Variants in IAH1 observed in about 807,000 individuals in gnomAD.
The protein encoded by IAH1 is isoamyl acetate hydrolyzing esterase 1 (putative), also known as isoamyl acetate-hydrolyzing esterase 1 homolog.
A neutral mutation model predicts 26.7 loss-of-function variants in IAH1; 24 were observed. That is an observed-to-expected ratio of 0.90 (90% CI 0.65 to 1.26). IAH1 has a LOEUF of 1.26. Among genes scored for constraint, IAH1 ranks in the 50% most tolerant of loss-of-function variants. The probability of loss-of-function intolerance (pLI) is 0.00; values close to 1 mark genes in which losing one functional copy is unlikely to be tolerated. For missense variants in IAH1, 300 were observed against 299.9 expected, an observed-to-expected ratio of 1.00 and a Z score of 0.00; for synonymous variants, 140 against 118.5, an observed-to-expected ratio of 1.18 and a Z score of -1.18.
At chr2:9,497,585 G>C (rs945648421), downstream of IAH1, among the ~76,000 whole-genome samples, 1 of 152,190 alleles carries the variant, frequency 6.6e-6, no homozygotes, top group Non-Finnish European at 1.5e-5. Context: ...AGGCTTAAAA[G>C]AACTCCACGG....
In IAH1 at chr2:9,488,176, A is replaced by G; in HGVS notation, c.594A>G (p.Leu198=). 6.2e-7 allele frequency: 1 copy of G among 1,611,326 alleles called. No individual in the cohort carries two copies. Among genetic ancestry groups the G allele is most frequent in the Non-Finnish European group, 8.5e-7 (1 of 1,179,126 alleles). ...QDFSSYLSDG[L]HLSPKGNEFL... Reference sequence around the variant, plus strand: ...TCTCATCTTATTTATCAGATGGACTACATTTGTCTCCAAAGGGGAATGAAT... The same window carrying G: ...TCTCATCTTATTTATCAGATGGACTGCATTTGTCTCCAAAGGGGAATGAAT... Residue 198 remains leucine, a synonymous_variant, in exon 6 of 6, where the codon CTA becomes CTG. Coordinates refer to ENST00000497473, the MANE Select transcript of IAH1 (RefSeq NM_001039613.3).
intron 2 of IAH1, among the ~76,000 whole-genome samples, chr2:9,476,849 C>A (rs1248673064): frequency 6.6e-6 from 1 of 152,172 alleles, no homozygotes; most frequent in Admixed American, 6.5e-5. Flanking sequence ...TTGCTCCAGG[C>A]CACCTGGATG....
chr2:9,502,190 C>A, the IAH1 span: 3 of 1,613,956 alleles, frequency 1.9e-6, no homozygotes, highest in Non-Finnish European at 2.5e-6. Flanking sequence ...GTAGGACACG[C>A]CTTTGCAAGT....
At chr2:9,476,938 AGCAGTGTGATCAGGGCTCACT>A (rs1558474586) in intron 2 of IAH1, among the ~76,000 whole-genome samples, 1 of 152,218 alleles carries the variant, frequency 6.6e-6, no homozygotes, top group Non-Finnish European at 1.5e-5. Context: ...GCTTGAGTGC[AGCAGTGTGATCAGGGCTCACT>A]GCAGCCTCCA....
intron 2 of IAH1, among the ~76,000 whole-genome samples, chr2:9,477,931 C>A (rs982950826): frequency 6.6e-6 from 1 of 152,132 alleles, no homozygotes; most frequent in African/African-American, 2.4e-5. Context: ...TTTAAAAGCA[C>A]CTCACTATAC....
chr2:9,509,346 A>T, the IAH1 span, among the ~76,000 whole-genome samples: 2 of 152,194 alleles, frequency 1.3e-5, no homozygotes, highest in African/African-American at 4.8e-5. Flanking sequence ...TAGTCACGGC[A>T]CTCTTAAAGT....
intron 6 of IAH1, among the ~76,000 whole-genome samples, chr2:9,495,711 CAAA>C (rs367778507): frequency 1.4e-5 from 2 of 140,428 alleles, no homozygotes; most frequent in Non-Finnish European, 3.1e-5. Context: ...GACTCCATCT[CAAA>C]AAAAAAAAAA....
At chr2:9,478,791 T>C (rs761463701) in intron 3 of IAH1, among the ~76,000 whole-genome samples, 1 of 152,120 alleles carries the variant, frequency 6.6e-6, no homozygotes, top group African/African-American at 2.4e-5. Flanking sequence ...TCCTGGGCAA[T>C]GGTGAACGTG....
Position 9,488,527 on chromosome 2 carries a change from C to T in IAH1, c.*198C>T. The T allele has an allele frequency of 6.8e-6, 3 of 443,972 alleles. No individual in the cohort carries two copies. Among genetic ancestry groups the T allele is most frequent in the Admixed American group, 3.9e-5 (1 of 25,462 alleles). 27.5% of individuals were successfully genotyped at this position (443,972 alleles called of 1,614,324 possible). ...TTTATTAATGCAGATATCAGTGCTA[C>T]AGCTATAAAATATACCCTGAGCAGC... On this transcript the variant is annotated 3_prime_UTR_variant, in exon 6 of 6. Transcript: ENST00000497473.
the IAH1 span, among the ~76,000 whole-genome samples, chr2:9,511,998 T>C: frequency 5.3e-5 from 7 of 130,986 alleles, no homozygotes; most frequent in African/African-American, 1.6e-4. Context: ...TAAAATAAAA[T>C]AAATATATAT....
chr2:9,476,128 C>T (rs1250874771), intron 2 of IAH1, 89 bp downstream of exon 2: 1 of 1,146,306 alleles, frequency 8.7e-7, no homozygotes. Context: ...CTGAACAGAA[C>T]ATTCCTCCTT....
At chr2:9,488,110 C>A in intron 5 of IAH1, 37 bp from the exon 6 acceptor site, 1 of 1,468,408 alleles carries the variant, frequency 6.8e-7, no homozygotes, top group Non-Finnish European at 9.2e-7. Flanking sequence ...CACACGTGGC[C>A]AGTTACCCAC....
chr2:9,504,372 G>C, the IAH1 span, among the ~76,000 whole-genome samples: 1 of 152,136 alleles, frequency 6.6e-6, no homozygotes, highest in Non-Finnish European at 1.5e-5. Flanking sequence ...TTGAACCTGG[G>C]AGGCGGAGAT....
downstream of IAH1, chr2:9,494,512 A>G: frequency 8.9e-7 from 1 of 1,117,552 alleles, no homozygotes; most frequent in East Asian, 2.6e-5. Context: ...CCCGTAGATA[A>G]CAATGGGCCA....
the IAH1 span, chr2:9,512,219 G>A: frequency 1.1e-3 from 168 of 151,912 alleles, 1 homozygote; most frequent in African/African-American, 3.8e-3. Flanking sequence ...TCTCCTAACT[G>A]CTTGGGGAAA....
downstream of IAH1, chr2:9,493,723 A>T (rs981822482): frequency 1.3e-6 from 2 of 1,599,860 alleles, no homozygotes; most frequent in Non-Finnish European, 1.7e-6. Flanking sequence ...AGCTCTCAGT[A>T]AGTAATCTGG....
chr2:9,501,557 C>T, the IAH1 span, among the ~76,000 whole-genome samples: 1 of 152,130 alleles, frequency 6.6e-6, no homozygotes, highest in East Asian at 1.9e-4. Context: ...TAAAACACAG[C>T]CAATCATATA....
intron 5 of IAH1, chr2:9,485,141 A>G (rs1309970803): frequency 1.3e-5 from 2 of 152,478 alleles, no homozygotes; most frequent in Non-Finnish European, 2.9e-5. Flanking sequence ...GTAACTGTTG[A>G]CAGCAGCATT....
chr2:9,493,884 T>C, downstream of IAH1: 1 of 1,427,196 alleles, frequency 7.0e-7, no homozygotes, highest in South Asian at 1.2e-5. Context: ...TCAGAAGCAA[T>C]GTAGCTTTAT....
Sources: gnomAD v4.1 joint callset for allele counts (sites outside exome capture counted in the v4.1 genomes callset) on GRCh38, gnomAD v4.1.1 for gene constraint, MANE v1.5 for transcripts, NCBI Gene and HGNC (gene_info 2026-07-23, HGNC 2026-07-21) for gene names.